RBFOX1: variants seen among roughly 807,000 people sequenced by gnomAD.
RBFOX1 encodes the protein RNA binding fox-1 homolog 1.
RBFOX1 carries 8 observed loss-of-function variants against 57.7 expected under a neutral mutation model. The observed-to-expected ratio is 0.14, with a 90% CI of 0.08 to 0.25. The LOEUF (loss-of-function observed/expected upper bound fraction) is 0.25. RBFOX1 is among the 10% of genes least tolerant of loss of function. The pLI is 1.00. For missense variants in RBFOX1, 611 were observed against 548.5 expected (o/e 1.11, Z -1.14); for synonymous variants, 326 against 222.4 (o/e 1.47, Z -4.15).
intron 4 of RBFOX1, among the ~76,000 whole-genome samples, chr16:7,170,213 T>C (rs982559104): frequency 6.6e-6 from 1 of 152,212 alleles, no homozygotes; most frequent in East Asian, 1.9e-4. Flanking sequence ...ATTAATACTT[T>C]TTAAAACAAT....
In RBFOX1 at chr16:6,231,603, C is replaced by G. The variant is rs139435139; in HGVS notation, c.-126-85392C>G. Among the ~76,000 whole-genome samples the G allele has an allele frequency of 6.8e-4, 104 of 152,280 alleles. 1 individual carries two copies. The highest frequency in any genetic ancestry group is 2.3e-3 in the African/African-American group (95 of 41,562). ...TAGTTGCCTAGGCTACAGTGATTGC[C>G]TGTTCTGAATGGTTGATGAGAGCTA... On this transcript the variant is annotated intron_variant, in intron 1 of 15. Coordinates refer to ENST00000550418, the MANE Select transcript of RBFOX1 (RefSeq NM_018723.4).
At chr16:6,651,836 A>G (rs954009240) in intron 2 of RBFOX1, among the ~76,000 whole-genome samples, 1 of 152,210 alleles carries the variant, frequency 6.6e-6, no homozygotes, top group Non-Finnish European at 1.5e-5. Flanking sequence ...GCGCTTATGA[A>G]TGGATAAACC....
At chr16:6,276,804 A>G (rs1369133924) in intron 1 of RBFOX1, among the ~76,000 whole-genome samples, 3 of 113,888 alleles carry the variant, frequency 2.6e-5, no homozygotes, top group Non-Finnish European at 3.6e-5. Flanking sequence ...GTCTGTAATT[A>G]TTTCTTTTCT....
At chr16:5,368,267 G>C (rs901018666) in intron 1 of RBFOX1, among the ~76,000 whole-genome samples, 3 of 152,076 alleles carry the variant, frequency 2.0e-5, no homozygotes, top group African/African-American at 4.8e-5. Flanking sequence ...CTTTTTTTAC[G>C]CTTGCGACTG....
chr16:5,563,614 T>C (rs2045963214), intron 2 of RBFOX1, among the ~76,000 whole-genome samples: 1 of 152,176 alleles, frequency 6.6e-6, no homozygotes, highest in South Asian at 2.1e-4. Flanking sequence ...CAATAAGTAG[T>C]TGACCAGCCC....
chr16:7,030,258 G>T (rs895086601), intron 3 of RBFOX1, among the ~76,000 whole-genome samples: 1 of 152,140 alleles, frequency 6.6e-6, no homozygotes, highest in African/African-American at 2.4e-5. Flanking sequence ...GGAGTGGAGT[G>T]CCTCTGTTTA....
intron 3 of RBFOX1, among the ~76,000 whole-genome samples, chr16:6,697,953 C>A (rs184412043): frequency 6.6e-6 from 1 of 152,222 alleles, no homozygotes; most frequent in Admixed American, 6.5e-5. Flanking sequence ...AAGGAACCAA[C>A]CAGAGAGTTG....
At chr16:6,857,383 T>A (rs1397405552) in intron 3 of RBFOX1, among the ~76,000 whole-genome samples, 4 of 151,978 alleles carry the variant, frequency 2.6e-5, no homozygotes, top group Non-Finnish European at 5.9e-5. Flanking sequence ...GAATCAGAGG[T>A]CTCCATCCTA....
chr16:5,797,381 C>G (rs2054913336), intron 3 of RBFOX1, among the ~76,000 whole-genome samples: 1 of 152,172 alleles, frequency 6.6e-6, no homozygotes, highest in Admixed American at 6.5e-5. Context: ...TGGAACATCT[C>G]CATTGGGTGC....
intron 4 of RBFOX1, among the ~76,000 whole-genome samples, chr16:7,387,446 C>G (rs954695083): frequency 2.0e-5 from 3 of 152,168 alleles, no homozygotes; most frequent in African/African-American, 7.2e-5. Context: ...TCATATACCC[C>G]TGTCTTCCAA....
chr16:5,678,500 A>G (rs992392369), intron 3 of RBFOX1, among the ~76,000 whole-genome samples: 3 of 152,192 alleles, frequency 2.0e-5, no homozygotes, highest in African/African-American at 4.8e-5. Flanking sequence ...CAAGGTCTTC[A>G]TGATGATCTT....
intron 2 of RBFOX1, among the ~76,000 whole-genome samples, chr16:6,524,700 C>G (rs924951810): frequency 6.6e-6 from 1 of 152,186 alleles, no homozygotes; most frequent in East Asian, 1.9e-4. Flanking sequence ...CTGGGCCATG[C>G]TCCCTGTGAG....
intron 3 of RBFOX1, among the ~76,000 whole-genome samples, chr16:6,879,565 A>G (rs566997380): frequency 6.6e-5 from 10 of 152,238 alleles, no homozygotes; most frequent in Non-Finnish European, 1.5e-5. Context: ...TAGATTCAAC[A>G]TAAGTTTCCA....
chr16:7,127,514 C>G (rs946143782), intron 4 of RBFOX1, among the ~76,000 whole-genome samples: 8 of 152,098 alleles, frequency 5.3e-5, no homozygotes, highest in Non-Finnish European at 4.4e-5. Flanking sequence ...GATTTACTTA[C>G]AGGTCTTTTG....
intron 3 of RBFOX1, among the ~76,000 whole-genome samples, chr16:5,708,949 G>C (rs1596875445): frequency 6.6e-6 from 1 of 152,298 alleles, no homozygotes; most frequent in East Asian, 1.9e-4. Context: ...GAACAAGAAA[G>C]AGAGCAAGAG....
chr16:6,146,785 G>C (rs1466513922), intron 1 of RBFOX1, among the ~76,000 whole-genome samples: 5 of 152,130 alleles, frequency 3.3e-5, no homozygotes, highest in Admixed American at 3.3e-4. Flanking sequence ...TCTTAATAAA[G>C]AAGTGAGCAT....
At chr16:7,162,511 C>G (rs1371099357) in intron 4 of RBFOX1, among the ~76,000 whole-genome samples, 1 of 151,110 alleles carries the variant, frequency 6.6e-6, no homozygotes, top group Non-Finnish European at 1.5e-5. Context: ...GGATAGATCA[C>G]CTGAGGTCAG....
At chr16:7,510,101 G>A (rs1233219367) in intron 4 of RBFOX1, 4 of 981,600 alleles carry the variant, frequency 4.1e-6, no homozygotes, top group East Asian at 2.3e-4. Context: ...AGTGCCATCT[G>A]GGTTGGTTTT....
chr16:6,315,097 T>A (rs983924506), intron 1 of RBFOX1, among the ~76,000 whole-genome samples: 1 of 152,256 alleles, frequency 6.6e-6, no homozygotes, highest in Non-Finnish European at 1.5e-5. Flanking sequence ...CTAAGCACAA[T>A]GCTACTTGTT....
Sources: gnomAD v4.1 joint callset for allele counts (sites outside exome capture counted in the v4.1 genomes callset) on GRCh38, gnomAD v4.1.1 for gene constraint, MANE v1.5 for transcripts, NCBI Gene and HGNC (gene_info 2026-07-23, HGNC 2026-07-21) for gene names.